The following USP20 variants were observed in gnomAD, a reference collection of about 807,000 sequenced individuals.
The protein encoded by USP20 is ubiquitin carboxyl-terminal hydrolase 20.
A neutral mutation model predicts 124.2 loss-of-function variants in USP20; 80 were observed. The ratio of observed to expected loss-of-function variants is 0.64; its 90% CI spans 0.54 to 0.78. The LOEUF is 0.78. Among genes scored for constraint, USP20 ranks in the 30% least tolerant of loss-of-function variants. The probability of loss-of-function intolerance (pLI) is 0.00; values close to 1 mark genes in which losing one functional copy is unlikely to be tolerated. For missense variants in USP20, 1,043 were observed against 1,244.4 expected (o/e 0.84, Z 2.44); for synonymous variants, 481 against 512.3 (o/e 0.94, Z 0.83).
chr9:129,858,171 CAG>C (rs2033316078), intron 5 of USP20, 59 bp downstream of exon 5: 1 of 1,564,834 alleles, frequency 6.4e-7, no homozygotes, highest in East Asian at 2.2e-5. Flanking sequence ...GTTCAAACCC[CAG>C]CTCCACCTTC....
intron 4 of USP20, among the ~76,000 whole-genome samples, chr9:129,857,229 G>C (rs747372943): frequency 1.1e-4 from 17 of 152,192 alleles, no homozygotes; most frequent in Non-Finnish European, 2.1e-4. Flanking sequence ...GGGGCAGCAA[G>C]AAGGGCTAGA....
intron 17 of USP20, among the ~76,000 whole-genome samples, chr9:129,874,229 G>A (rs1252441016): frequency 6.6e-6 from 1 of 152,228 alleles, no homozygotes; most frequent in African/African-American, 2.4e-5. Context: ...TCCGCACCAA[G>A]GAAGGCACGT....
Position 129,875,069 on chromosome 9 carries a change from G to A in USP20, c.2048+114G>A, listed in dbSNP as rs980100422. 54 of 1,455,080 alleles carry A rather than the reference G, an allele frequency of 3.7e-5. No individual in the cohort carries two copies. The Admixed American group carries it at 7.3e-4, about 20-fold the overall frequency. 90.1% of individuals were successfully genotyped at this position (1,455,080 alleles called of 1,614,324 possible). A position where few individuals can be genotyped will look rare whatever the true frequency, so the allele number is the denominator to read the frequency against. ...GCCTGGATTAAGCCAGGGAAGTAAG[G>A]ACTTGGATTGTTAAGAAACAGCCCT... is the stretch of plus-strand genomic sequence containing the variant. On this transcript the variant is annotated intron_variant, in intron 19 of 25. Transcript: ENST00000372429.
At chr9:129,863,162 T>C in intron 8 of USP20, 24 bp from the exon 9 acceptor site, 2 of 1,503,984 alleles carry the variant, frequency 1.3e-6, no homozygotes, top group East Asian at 5.0e-5. Flanking sequence ...TCTCCTGACC[T>C]GGCTCTCTCT....
chr9:129,871,798 C>G lies in USP20; in HGVS notation c.1660+1251C>G, dbSNP rs56190991. On this transcript the variant is annotated intron_variant, in intron 15 of 25. Transcript: ENST00000372429. ...ATGGCATGATCTCGGCTTATTGCAACCTCCACCTCCTGGGTTTAAGCGATT... is the reference window on the plus strand; with the variant it reads ...ATGGCATGATCTCGGCTTATTGCAAGCTCCACCTCCTGGGTTTAAGCGATT... Among the ~76,000 whole-genome samples the G allele has an allele frequency of 7.0e-3, 1,060 of 152,194 alleles. 1 individual carries two copies. The highest frequency in any genetic ancestry group is 0.024 in the Middle Eastern group (7 of 294).
At chr9:129,841,828 T>C (rs2032232647) in intron 1 of USP20, among the ~76,000 whole-genome samples, 1 of 152,110 alleles carries the variant, frequency 6.6e-6, no homozygotes, top group African/African-American at 2.4e-5. Context: ...AATCCGTGCA[T>C]GAGTCCCCTG....
intron 18 of USP20, 25 bp downstream of exon 18, chr9:129,874,781 G>A (rs766518349): frequency 1.9e-5 from 30 of 1,613,476 alleles, no homozygotes; most frequent in Admixed American, 8.3e-5. Context: ...CTCCCCTGCC[G>A]TCCCCATCCG....
At chr9:129,876,270 C>A (rs760095544) in intron 22 of USP20, 32 bp downstream of exon 22, 2 of 1,555,370 alleles carry the variant, frequency 1.3e-6, no homozygotes, top group East Asian at 4.7e-5. Context: ...GGGGGCGGCT[C>A]TGCCAGCCTC....
intron 10 of USP20, among the ~76,000 whole-genome samples, chr9:129,866,208 G>A (rs866920269): frequency 6.1e-4 from 48 of 79,138 alleles, no homozygotes; most frequent in African/African-American, 1.7e-3. Context: ...TGGCAGTCAT[G>A]TGGGGACAAC....
chr9:129,872,133 G>T (rs2034157703), intron 15 of USP20, among the ~76,000 whole-genome samples: 2 of 151,896 alleles, frequency 1.3e-5, no homozygotes, highest in African/African-American at 4.8e-5. Flanking sequence ...TGCCTATTTT[G>T]TTTTTTGTTG....
intron 16 of USP20, 44 bp downstream of exon 16, chr9:129,873,559 T>C: frequency 6.2e-7 from 1 of 1,614,024 alleles, no homozygotes; most frequent in Non-Finnish European, 8.5e-7. Flanking sequence ...GCCGTTTCTG[T>C]GCCCTACATA....
intron 10 of USP20, among the ~76,000 whole-genome samples, chr9:129,865,803 T>G (rs1463900519): frequency 1.3e-5 from 2 of 152,078 alleles, no homozygotes; most frequent in African/African-American, 2.4e-5. Flanking sequence ...GTGCTGTGAT[T>G]ATAGGCATGA....
intron 12 of USP20, 84 bp from the exon 13 acceptor site, chr9:129,869,226 A>G (rs1022529115): frequency 7.0e-7 from 1 of 1,425,270 alleles, no homozygotes; most frequent in Non-Finnish European, 9.8e-7. Context: ...GTCACTCCAC[A>G]TCCTGTCAAA....
chr9:129,862,018 G>A (rs190667648), intron 8 of USP20, among the ~76,000 whole-genome samples: 19 of 152,286 alleles, frequency 1.2e-4, no homozygotes, highest in Non-Finnish European at 2.1e-4. Context: ...GTACAATCCC[G>A]TTTTATGGGA....
intron 6 of USP20, among the ~76,000 whole-genome samples, chr9:129,858,866 C>T (rs10739758): frequency 0.88 from 133,376 of 152,054 alleles, 58,889 homozygotes; most frequent in East Asian, 1. Context: ...ATGGGGTGGC[C>T]GTGTGGAGTG....
chr9:129,852,596 T>C lies in USP20; in HGVS notation c.41T>C (p.Ile14Thr), dbSNP rs2032985001. Residue 14 changes from isoleucine (I) to threonine (T), a missense_variant, in exon 3 of 26, where the codon ATA becomes ACA. Transcript: ENST00000372429. ...GACCTTTGCCCTCACCTTGACTCCA[T>C]AGGAGAGGTGACCAAAGAGGACTTG... ...SRDLCPHLDS[I>T]GEVTKEDLLL... The C allele has an allele frequency of 1.2e-6, 2 of 1,600,088 alleles. No homozygotes were observed. Among genetic ancestry groups the C allele is most frequent in the African/African-American group, 1.3e-5 (1 of 74,724 alleles).
chr9:129,877,596 G>T (rs1314490289), intron 22 of USP20, among the ~76,000 whole-genome samples: 1 of 151,856 alleles, frequency 6.6e-6, no homozygotes, highest in Non-Finnish European at 1.5e-5. Flanking sequence ...TACTCAGGAG[G>T]CTGAGGTGGG....
chr9:129,840,667 A>C (rs1248541322), intron 1 of USP20, among the ~76,000 whole-genome samples: 1 of 152,206 alleles, frequency 6.6e-6, no homozygotes, highest in Non-Finnish European at 1.5e-5. Flanking sequence ...AGTAAGCTGC[A>C]GACATCACAG....
At chr9:129,874,494 A>C in intron 17 of USP20, 82 bp from the exon 18 acceptor site, 1 of 1,555,016 alleles carries the variant, frequency 6.4e-7, no homozygotes, top group South Asian at 1.2e-5. Context: ...TGATCCCATC[A>C]GCTGTCCTGG....
Sources: allele counts gnomAD v4.1 joint callset (sites outside exome capture counted in the v4.1 genomes callset), GRCh38; gene constraint gnomAD v4.1.1; transcripts MANE v1.5; gene names NCBI Gene and HGNC (gene_info 2026-07-23, HGNC 2026-07-21).